Variants in CHRM3 observed in about 807,000 individuals in gnomAD.
CHRM3 encodes muscarinic acetylcholine receptor M3.
Under a neutral mutation model 41.8 loss-of-function variants are expected in CHRM3, and 11 were observed. That is an observed-to-expected ratio of 0.26 (90% CI 0.17 to 0.44). The LOEUF (loss-of-function observed/expected upper bound fraction) is 0.44, where lower values mean the gene tolerates loss of function less well. Ranked by LOEUF, CHRM3 falls within the 20% of genes least tolerant of loss-of-function variation. The probability of loss-of-function intolerance (pLI) is 1.00; values close to 1 mark genes in which losing one functional copy is unlikely to be tolerated. For missense variants in CHRM3, 571 were observed against 745.4 expected (o/e 0.77, Z 2.72); for synonymous variants, 297 against 301.4 (o/e 0.99, Z 0.15).
chr1:239,481,258 A>G (rs1214192990), intron 1 of CHRM3, among the ~76,000 whole-genome samples: 2 of 151,024 alleles, frequency 1.3e-5, no homozygotes, highest in Admixed American at 6.6e-5. Flanking sequence ...ATATACACAC[A>G]TAAAGAATAT....
intron 1 of CHRM3, among the ~76,000 whole-genome samples, chr1:239,467,136 A>T (rs1665788598): frequency 6.6e-6 from 1 of 152,210 alleles, no homozygotes; most frequent in Non-Finnish European, 1.5e-5. Flanking sequence ...AGCAGTTAAG[A>T]CAGTGACCCC....
intron 1 of CHRM3, among the ~76,000 whole-genome samples, chr1:239,488,441 G>A (rs745370685): frequency 7.9e-5 from 12 of 151,904 alleles, no homozygotes; most frequent in East Asian, 3.9e-4. Context: ...TGGGCCAGGC[G>A]CGGGTGGCAC....
At chr1:239,701,863 T>A (rs1660719167) in intron 5 of CHRM3, among the ~76,000 whole-genome samples, 1 of 152,150 alleles carries the variant, frequency 6.6e-6, no homozygotes, top group African/African-American at 2.4e-5. Context: ...TTCCTCACTC[T>A]CCTTATCAAC....
intron 5 of CHRM3, among the ~76,000 whole-genome samples, chr1:239,734,488 C>A (rs938364325): frequency 6.6e-6 from 1 of 152,068 alleles, no homozygotes; most frequent in African/African-American, 2.4e-5. Flanking sequence ...GGGCAGAGCA[C>A]AACCCAACAT....
At chr1:239,411,273 G>C (rs543518125) in intron 1 of CHRM3, among the ~76,000 whole-genome samples, 52 of 152,258 alleles carry the variant, frequency 3.4e-4, no homozygotes, top group East Asian at 1.9e-4. Flanking sequence ...TTGGCCTCCT[G>C]TCTGGGTTAG....
chr1:239,455,121 G>A (rs569423912), intron 1 of CHRM3, among the ~76,000 whole-genome samples: 3 of 151,926 alleles, frequency 2.0e-5, no homozygotes, highest in Admixed American at 6.6e-5. Context: ...GCGTGATCTC[G>A]GCTCAGCGCA....
intron 3 of CHRM3, among the ~76,000 whole-genome samples, chr1:239,580,705 A>ATATATATATAT (rs1662814368): frequency 8.5e-6 from 1 of 118,180 alleles, no homozygotes; most frequent in East Asian, 2.1e-4. Context: ...ATATATATAT[A>ATATATATATAT]CACACACACA....
At chr1:239,667,527 G>T (rs1225925421) in intron 4 of CHRM3, among the ~76,000 whole-genome samples, 5 of 152,128 alleles carry the variant, frequency 3.3e-5, no homozygotes, top group African/African-American at 1.2e-4. Flanking sequence ...TGGACTGAGG[G>T]TCACCACTTT....
intron 2 of CHRM3, among the ~76,000 whole-genome samples, chr1:239,522,388 C>T (rs992316278): frequency 6.6e-6 from 1 of 152,186 alleles, no homozygotes; most frequent in East Asian, 1.9e-4. Flanking sequence ...AGAGTCCCAC[C>T]CAATCCCTTA....
At chr1:239,679,913 G>A (rs987080356) in intron 5 of CHRM3, among the ~76,000 whole-genome samples, 1 of 151,926 alleles carries the variant, frequency 6.6e-6, no homozygotes. Context: ...GAGCCCATAG[G>A]TCTCAACCTT....
intron 3 of CHRM3, among the ~76,000 whole-genome samples, chr1:239,620,671 T>C (rs1668257776): frequency 6.6e-6 from 1 of 152,078 alleles, no homozygotes; most frequent in African/African-American, 2.4e-5. Context: ...AAAATGGATG[T>C]ATATATATTA....
At chr1:239,690,658 G>T (rs1320828138) in intron 5 of CHRM3, among the ~76,000 whole-genome samples, 1 of 151,708 alleles carries the variant, frequency 6.6e-6, no homozygotes, top group Non-Finnish European at 1.5e-5. Context: ...TTAAAAATAG[G>T]ACTATATTTG....
chr1:239,573,218 TC>T (rs1388385858), intron 3 of CHRM3, among the ~76,000 whole-genome samples: 5 of 152,182 alleles, frequency 3.3e-5, no homozygotes, highest in Non-Finnish European at 7.3e-5. Flanking sequence ...TCCCTTTTTC[TC>T]CTCTAATCCT....
intron 4 of CHRM3, among the ~76,000 whole-genome samples, chr1:239,644,937 G>A (rs1671607498): frequency 6.6e-6 from 1 of 152,124 alleles, no homozygotes; most frequent in Admixed American, 6.6e-5. Flanking sequence ...TCTTCAGCAG[G>A]AATTCCCAGC....
chr1:239,425,680 A>C (rs12239473), intron 1 of CHRM3, among the ~76,000 whole-genome samples: 4,054 of 152,288 alleles, frequency 0.027, 212 homozygotes, highest in African/African-American at 0.092. Flanking sequence ...ATTAAAGAAT[A>C]CACAGGCAGG....
rs973597267 is a variant in CHRM3 at position 239,545,712 on chromosome 1, A to G, written c.-350A>G. On this transcript the variant is annotated 5_prime_UTR_variant, in exon 3 of 7. Coordinates refer to ENST00000676153, the MANE Select transcript of CHRM3 (RefSeq NM_001375978.1). ...ACTGTGGATTGAATGAACTGTATCC[A>G]TCCCCATCATGATGTACAGAACCAA... 6.6e-6 allele frequency: 1 copy of G among 152,186 alleles called. No individual in the cohort carries two copies. Among genetic ancestry groups the G allele is most frequent in the Non-Finnish European group, 1.5e-5 (1 of 68,028 alleles). The allele number at this position is 152,186 out of a possible 1,614,324, so 9.4% of individuals were successfully genotyped here.
At chr1:239,784,077 A>C (rs1668710529) in intron 5 of CHRM3, among the ~76,000 whole-genome samples, 1 of 152,230 alleles carries the variant, frequency 6.6e-6, no homozygotes, top group Non-Finnish European at 1.5e-5. Context: ...TCCAAGATTC[A>C]TCAGTTCTAT....
At chr1:239,746,852 G>T (rs921146141) in intron 5 of CHRM3, among the ~76,000 whole-genome samples, 9 of 151,932 alleles carry the variant, frequency 5.9e-5, no homozygotes, top group Non-Finnish European at 8.8e-5. Context: ...CTGCCTCCCG[G>T]GTTCAAGTGA....
intron 4 of CHRM3, among the ~76,000 whole-genome samples, chr1:239,637,066 G>A (rs1359720805): frequency 6.6e-6 from 1 of 152,122 alleles, no homozygotes; most frequent in African/African-American, 2.4e-5. Flanking sequence ...AGTAAGTATT[G>A]AATTTATATA....
Sources: allele counts gnomAD v4.1 joint callset (sites outside exome capture counted in the v4.1 genomes callset), GRCh38; gene constraint gnomAD v4.1.1; transcripts MANE v1.5; gene names NCBI Gene and HGNC (gene_info 2026-07-23, HGNC 2026-07-21).